Variants in PDZRN4 observed in about 807,000 individuals in gnomAD.
PDZRN4 encodes the protein PDZ domain-containing RING finger protein 4.
In PDZRN4, 70 loss-of-function variants were observed where a neutral mutation model predicts 99.0. That is an observed-to-expected ratio of 0.71 (90% CI 0.58 to 0.86). PDZRN4 has a LOEUF of 0.86. Among genes scored for constraint, PDZRN4 ranks in the 40% least tolerant of loss-of-function variants. PDZRN4 has a pLI of 0.00. For missense variants in PDZRN4, 1,474 were observed against 1,331.2 expected, an observed-to-expected ratio of 1.11 and a Z score of -1.67; for synonymous variants, 551 against 501.6, an observed-to-expected ratio of 1.10 and a Z score of -1.32.
intron 3 of PDZRN4, among the ~76,000 whole-genome samples, chr12:41,388,983 T>C (rs1952191695): frequency 6.6e-6 from 1 of 152,186 alleles, no homozygotes; most frequent in Non-Finnish European, 1.5e-5. Flanking sequence ...CTGATTGGCT[T>C]GTCAGTGACA....
At chr12:41,456,185 C>T (rs1952815255) in intron 3 of PDZRN4, among the ~76,000 whole-genome samples, 1 of 152,178 alleles carries the variant, frequency 6.6e-6, no homozygotes, top group South Asian at 2.1e-4. Context: ...CCAGTGGTTG[C>T]AGGACAAAGT....
At chr12:41,319,118 C>A in intron 3 of PDZRN4, among the ~76,000 whole-genome samples, 1 of 152,124 alleles carries the variant, frequency 6.6e-6, no homozygotes, top group East Asian at 1.9e-4. Context: ...CAAATGAGAT[C>A]GTGGTCGCAT....
intron 5 of PDZRN4, among the ~76,000 whole-genome samples, chr12:41,519,542 T>A: frequency 6.6e-6 from 1 of 151,956 alleles, no homozygotes; most frequent in Non-Finnish European, 1.5e-5. Flanking sequence ...CTCTGCCACC[T>A]CCATCTCTTT....
intron 3 of PDZRN4, among the ~76,000 whole-genome samples, chr12:41,307,837 T>A (rs938634080): frequency 9.9e-5 from 15 of 152,170 alleles, no homozygotes; most frequent in African/African-American, 3.4e-4. Flanking sequence ...ATAATAGGTA[T>A]GTTTTATAGA....
At chr12:41,335,587 A>G (rs1369859601) in intron 3 of PDZRN4, among the ~76,000 whole-genome samples, 1 of 152,166 alleles carries the variant, frequency 6.6e-6, no homozygotes, top group African/African-American at 2.4e-5. Flanking sequence ...AACACTCCGT[A>G]GTATACAATA....
intron 3 of PDZRN4, among the ~76,000 whole-genome samples, chr12:41,450,889 CT>C (rs1952768988): frequency 6.6e-6 from 1 of 152,190 alleles, no homozygotes; most frequent in African/African-American, 2.4e-5. Flanking sequence ...AATTGTGCCA[CT>C]GCACCCCTGC....
intron 3 of PDZRN4, among the ~76,000 whole-genome samples, chr12:41,432,600 G>A (rs1952594431): frequency 6.6e-6 from 1 of 152,136 alleles, no homozygotes; most frequent in South Asian, 2.1e-4. Context: ...TGTTAATGTT[G>A]CTCTTACATG....
At chr12:41,519,952 T>G (rs975513735) in intron 5 of PDZRN4, among the ~76,000 whole-genome samples, 1 of 152,026 alleles carries the variant, frequency 6.6e-6, no homozygotes, top group Non-Finnish European at 1.5e-5. Context: ...TGTGCTCACC[T>G]CCCACTAATC....
intron 3 of PDZRN4, among the ~76,000 whole-genome samples, chr12:41,465,070 C>G (rs1952911749): frequency 6.6e-6 from 1 of 152,084 alleles, no homozygotes; most frequent in South Asian, 2.1e-4. Flanking sequence ...AGTGATCTGC[C>G]CACCTTGGCC....
intron 3 of PDZRN4, chr12:41,477,937 AT>A: frequency 1.4e-6 from 2 of 1,457,378 alleles, no homozygotes; most frequent in Non-Finnish European, 1.9e-6. Flanking sequence ...ATGGCATTAA[AT>A]TTATTTCATC....
rs780405912 is a variant in PDZRN4 at position 41,572,531 on chromosome 12, C to G, written c.1752C>G (p.Ser584Arg). 6.2e-7 allele frequency: 1 copy of G among 1,614,094 alleles called. No homozygotes were observed. The highest frequency in any genetic ancestry group is 8.5e-7 in the Non-Finnish European group (1 of 1,180,026). ...ACCCCAATAGCACATCTTTGAAGAG[C>G]AAGAGAGACCTGGGGCAGAGCCAAG... is the stretch of plus-strand genomic sequence containing the variant. ...AEDPNSTSLK[S>R]KRDLGQSQDT... is the part of the protein sequence containing the mutation. Residue 584 changes from serine to arginine, a missense_variant, in exon 10 of 10, where the codon AGC becomes AGG. Physicochemically the swap from Ser to Arg is moderately radical, Grantham distance 110. Coordinates refer to ENST00000402685, the MANE Select transcript of PDZRN4 (RefSeq NM_001164595.2).
chr12:41,343,022 C>G (rs1951828504), intron 3 of PDZRN4, among the ~76,000 whole-genome samples: 1 of 151,850 alleles, frequency 6.6e-6, no homozygotes, highest in Non-Finnish European at 1.5e-5. Flanking sequence ...TTTATATACA[C>G]AGTGAAACCC....
At chr12:41,244,223 T>C (rs912708593) in intron 3 of PDZRN4, among the ~76,000 whole-genome samples, 1 of 152,140 alleles carries the variant, frequency 6.6e-6, no homozygotes, top group African/African-American at 2.4e-5. Flanking sequence ...GAGTCACCCT[T>C]GTCTCCTGTT....
chr12:41,376,395 CT>C (rs1952080643), intron 3 of PDZRN4, among the ~76,000 whole-genome samples: 1 of 151,994 alleles, frequency 6.6e-6, no homozygotes, highest in African/African-American at 2.4e-5. Flanking sequence ...TTTGTTATCT[CT>C]TGTTTTTTTT....
chr12:41,319,555 A>T (rs1348006155), intron 3 of PDZRN4, among the ~76,000 whole-genome samples: 1 of 152,062 alleles, frequency 6.6e-6, no homozygotes, highest in Non-Finnish European at 1.5e-5. Flanking sequence ...CTGTCTCTCC[A>T]CAGCACCTTG....
At chr12:41,341,521 T>C (rs1191823580) in intron 3 of PDZRN4, among the ~76,000 whole-genome samples, 3 of 151,744 alleles carry the variant, frequency 2.0e-5, no homozygotes, top group Non-Finnish European at 2.9e-5. Flanking sequence ...AAAATCAACA[T>C]ATAAAAATCA....
Position 41,327,633 on chromosome 12 carries a change from G to A in PDZRN4, c.843+133445G>A, listed in dbSNP as rs1363244203. 2.0e-5 allele frequency among the ~76,000 whole-genome samples: 3 copies of A among 152,126 alleles called. 1 individual carries two copies. The highest frequency in any genetic ancestry group is 4.4e-5 in the Non-Finnish European group (3 of 68,034). On this transcript the variant is annotated intron_variant, in intron 3 of 9. Coordinates refer to ENST00000402685, the MANE Select transcript of PDZRN4 (RefSeq NM_001164595.2). ...TCTTGAAACAGTGCAGAAGGCCAGG[G>A]GCTTAAGGCTGAAATGGCTACTATC...
intron 3 of PDZRN4, among the ~76,000 whole-genome samples, chr12:41,253,710 T>C (rs1951186348): frequency 6.6e-6 from 1 of 152,202 alleles, no homozygotes; most frequent in African/African-American, 2.4e-5. Flanking sequence ...CACAGCACTA[T>C]TCACAATAGC....
intron 3 of PDZRN4, among the ~76,000 whole-genome samples, chr12:41,340,315 T>C (rs1951806806): frequency 6.6e-6 from 1 of 152,030 alleles, no homozygotes; most frequent in African/African-American, 2.4e-5. Flanking sequence ...TTAAGTGAAG[T>C]AAGCCAGGCA....
Sources: gnomAD v4.1 joint callset for allele counts (sites outside exome capture counted in the v4.1 genomes callset) on GRCh38, gnomAD v4.1.1 for gene constraint, MANE v1.5 for transcripts, NCBI Gene and HGNC (gene_info 2026-07-23, HGNC 2026-07-21) for gene names.